Variants in GSDMC observed in about 807,000 individuals in gnomAD.
GSDMC encodes the protein gasdermin-C.
In GSDMC, 59 loss-of-function variants were observed where a neutral mutation model predicts 58.0. The ratio of observed to expected loss-of-function variants is 1.02; its 90% CI spans 0.82 to 1.26. The LOEUF is 1.26. GSDMC is among the 50% of genes most tolerant of loss of function. The pLI is 0.00. For synonymous variants in GSDMC, 241 were observed against 220.2 expected (o/e 1.09, Z -0.83); for missense variants, 659 against 598.5 (o/e 1.10, Z -1.06).
At chr8:129,742,608 A>G in the GSDMC span, among the ~76,000 whole-genome samples, 1 of 152,014 alleles carries the variant, frequency 6.6e-6, no homozygotes, top group Non-Finnish European at 1.5e-5. Flanking sequence ...ACCTTCATCC[A>G]TTCAACTCGA....
chr8:129,783,144 A>G (rs59501802), intron 1 of GSDMC, among the ~76,000 whole-genome samples: 3,172 of 152,320 alleles, frequency 0.021, 107 homozygotes, highest in African/African-American at 0.07. Flanking sequence ...AAAGCACTTG[A>G]TAAAACTCAA....
At chr8:129,762,589 C>T (rs780907305) in intron 5 of GSDMC, 37 bp downstream of exon 5, 16 of 1,215,758 alleles carry the variant, frequency 1.3e-5, no homozygotes, top group South Asian at 3.6e-5. Context: ...ACACCCCCTC[C>T]ACTGCCATCT....
chr8:129,727,412 G>A, the GSDMC span, among the ~76,000 whole-genome samples: 1 of 152,126 alleles, frequency 6.6e-6, no homozygotes. Context: ...GGAGAACGCC[G>A]GCAAACAGCC....
chr8:129,783,393 G>T (rs901895735), intron 1 of GSDMC, among the ~76,000 whole-genome samples: 1 of 152,108 alleles, frequency 6.6e-6, no homozygotes, highest in African/African-American at 2.4e-5. Flanking sequence ...ATTTATTAAA[G>T]TTGCAGGATA....
intron 6 of GSDMC, among the ~76,000 whole-genome samples, chr8:129,757,869 G>A (rs1004996478): frequency 2.6e-5 from 4 of 152,068 alleles, no homozygotes; most frequent in Admixed American, 6.6e-5. Context: ...ACACATGCCT[G>A]TAGTCCTAGC....
Position 129,750,098 on chromosome 8 carries a change from G to A in GSDMC, c.1105C>T (p.His369Tyr). The A allele has an allele frequency of 6.3e-7, 1 of 1,583,824 alleles. No homozygotes were observed. Among genetic ancestry groups the A allele is most frequent in the East Asian group, 2.2e-5 (1 of 44,680 alleles). ...ATGGCACCACCAGGGCCATCCAAATGACCTGAGCTGTCCAATTCCAGCTAT... is the reference window on the plus strand; with the variant it reads ...ATGGCACCACCAGGGCCATCCAAATAACCTGAGCTGTCCAATTCCAGCTAT... Reference protein sequence around the residue: ...MNMLELDSSGHLDGPGGAILK... With the variant: ...MNMLELDSSGYLDGPGGAILK... Residue 369 changes from histidine to tyrosine, a missense_variant, in exon 12 of 14, where the codon CAT becomes TAT. Transcript: ENST00000276708.
chr8:129,748,963 T>C (rs2033057433), intron 13 of GSDMC, among the ~76,000 whole-genome samples: 1 of 151,950 alleles, frequency 6.6e-6, no homozygotes, highest in South Asian at 2.1e-4. Flanking sequence ...AAAATAAAAC[T>C]CCCCTTGTAG....
At chr8:129,779,352 T>C (rs150120253) in intron 1 of GSDMC, among the ~76,000 whole-genome samples, 2,159 of 152,066 alleles carry the variant, frequency 0.014, 58 homozygotes, top group African/African-American at 0.049. Flanking sequence ...AACACAGAAA[T>C]AGAAAACCAA....
rs1251847892 is a variant in GSDMC, at chr8:129,748,352, A to T, written c.*149T>A. The stretch of plus-strand genomic sequence containing the variant: ...ATATAGAGTATTCCACCACCCCAAA[A>T]CATTTCCTAAAGTCTCTACCCATTA... On this transcript the variant is annotated 3_prime_UTR_variant, in exon 14 of 14. Coordinates refer to ENST00000276708, the MANE Select transcript of GSDMC (RefSeq NM_031415.3). 2 of 675,142 alleles carry T rather than the reference A, an allele frequency of 3.0e-6. No individual in the cohort carries two copies. Among genetic ancestry groups the T allele is most frequent in the Non-Finnish European group, 4.7e-6 (2 of 422,206 alleles). The allele number at this position is 675,142 out of a possible 1,614,324, so 41.8% of individuals were successfully genotyped here. A position where few individuals can be genotyped will look rare whatever the true frequency, so the allele number is the denominator to read the frequency against.
the GSDMC span, chr8:129,729,413 A>G: frequency 2.8e-6 from 1 of 360,882 alleles, no homozygotes. Flanking sequence ...TGCACCCATT[A>G]ACTCATCATT....
At chr8:129,728,160 C>T in the GSDMC span, among the ~76,000 whole-genome samples, 1 of 152,130 alleles carries the variant, frequency 6.6e-6, no homozygotes, top group Non-Finnish European at 1.5e-5. Context: ...CACCGGCTTG[C>T]CCAGATCAGC....
At chr8:129,766,285 T>C (rs1207965556) in intron 3 of GSDMC, among the ~76,000 whole-genome samples, 1 of 152,222 alleles carries the variant, frequency 6.6e-6, no homozygotes, top group Non-Finnish European at 1.5e-5. Context: ...GTTACGGATT[T>C]ACTGTCCTTG....
the GSDMC span, among the ~76,000 whole-genome samples, chr8:129,736,866 C>G: frequency 1.3e-5 from 2 of 152,126 alleles, no homozygotes; most frequent in African/African-American, 4.8e-5. Context: ...GTTTGCAGAT[C>G]ACATGATTGT....
rs142205452 is a variant in GSDMC, at chr8:129,752,173, C to T, written c.845-26G>A. ...CTGGAAAGAGAAAGAAAAGTGTTTA[C>T]TCACCAAACATTAGTCTACCCCTAC... On this transcript the variant is annotated intron_variant, in intron 7 of 13. Transcript: ENST00000276708. 48 of 1,597,038 alleles carry T rather than the reference C, an allele frequency of 3.0e-5. No homozygotes were observed. The East Asian group carries it at 1.0e-3, about 33-fold the overall frequency.
At chr8:129,727,310 A>G in the GSDMC span, among the ~76,000 whole-genome samples, 1 of 152,194 alleles carries the variant, frequency 6.6e-6, no homozygotes. Flanking sequence ...GGAAATAGCA[A>G]GACAGTGCAT....
chr8:129,768,031 G>A (rs373189028), intron 3 of GSDMC, among the ~76,000 whole-genome samples: 36 of 152,074 alleles, frequency 2.4e-4, no homozygotes, highest in East Asian at 7.7e-4. Context: ...CAGTAGCCCC[G>A]CCTGAATGCA....
chr8:129,710,161 C>A, the GSDMC span, among the ~76,000 whole-genome samples: 2 of 152,188 alleles, frequency 1.3e-5, no homozygotes, highest in African/African-American at 4.8e-5. Flanking sequence ...ACAGTATCTT[C>A]CACTAGAATG....
Position 129,752,752 on chromosome 8 carries a change from T to C in GSDMC, c.790A>G (p.Thr264Ala), listed in dbSNP as rs1362645153. ...RSEGLLPSFH[T>A]ISPTLFNASS... ...GCATTGAAGAGGGTTGGAGAGATGGTATGAAATGATGGTAGCAACCCCTCA... is the reference window on the plus strand; with the variant it reads ...GCATTGAAGAGGGTTGGAGAGATGGCATGAAATGATGGTAGCAACCCCTCA... Residue 264 changes from threonine to alanine, a missense_variant, in exon 7 of 14, where the codon ACC (threonine) becomes GCC (alanine). Thr to Ala is a moderately conservative substitution (Grantham distance 58). Coordinates refer to ENST00000276708, the MANE Select transcript of GSDMC (RefSeq NM_031415.3). 3 of 1,614,186 alleles carry C rather than the reference T, an allele frequency of 1.9e-6. No homozygotes were observed. Among genetic ancestry groups the C allele is most frequent in the Non-Finnish European group, 2.5e-6 (3 of 1,180,018 alleles).
At chr8:129,779,029 A>G (rs1563815228) in intron 1 of GSDMC, among the ~76,000 whole-genome samples, 1 of 152,212 alleles carries the variant, frequency 6.6e-6, no homozygotes, top group East Asian at 1.9e-4. Flanking sequence ...AATTAGTTCA[A>G]CCACTGTGAA....
Sources: allele counts gnomAD v4.1 joint callset (sites outside exome capture counted in the v4.1 genomes callset), GRCh38; gene constraint gnomAD v4.1.1; transcripts MANE v1.5; gene names NCBI Gene and HGNC (gene_info 2026-07-23, HGNC 2026-07-21).